Variants in FOXN3 observed in about 807,000 individuals in gnomAD.
The protein encoded by FOXN3 is forkhead box N3, also known as forkhead box protein N3.
A neutral mutation model predicts 38.4 loss-of-function variants in FOXN3; 7 were observed. That is an observed-to-expected ratio of 0.18 (90% CI 0.10 to 0.34). The LOEUF (loss-of-function observed/expected upper bound fraction) is 0.34. Ranked by LOEUF, FOXN3 falls within the 10% of genes least tolerant of loss-of-function variation. The pLI is 1.00. For synonymous variants in FOXN3, 230 were observed against 242.2 expected, an observed-to-expected ratio of 0.95 and a Z score of 0.47; for missense variants, 456 against 613.4, an observed-to-expected ratio of 0.74 and a Z score of 2.71.
chr14:89,407,973 T>C (rs1225195760), intron 2 of FOXN3, among the ~76,000 whole-genome samples: 1 of 152,214 alleles, frequency 6.6e-6, no homozygotes, highest in Non-Finnish European at 1.5e-5. Flanking sequence ...TCTAGTTCTG[T>C]GTATGTTTGA....
chr14:89,501,419 G>A (rs1893797293), intron 1 of FOXN3, among the ~76,000 whole-genome samples: 1 of 152,102 alleles, frequency 6.6e-6, no homozygotes. Flanking sequence ...AGAAACCGAG[G>A]GTTTTTCTAC....
intron 2 of FOXN3, among the ~76,000 whole-genome samples, chr14:89,397,480 C>T (rs117692739): frequency 2.4e-3 from 362 of 150,410 alleles, no homozygotes; most frequent in African/African-American, 3.2e-3. Context: ...CTGTGGAGAC[C>T]GAGGCTCTGC....
intron 1 of FOXN3, among the ~76,000 whole-genome samples, chr14:89,607,760 A>G (rs1322214755): frequency 6.6e-6 from 1 of 152,128 alleles, no homozygotes; most frequent in East Asian, 1.9e-4. Context: ...AATCTGGATT[A>G]AGTGTAGCAG....
chr14:89,264,298 C>T (rs1054152398), intron 4 of FOXN3, among the ~76,000 whole-genome samples: 2 of 151,976 alleles, frequency 1.3e-5, no homozygotes, highest in African/African-American at 2.4e-5. Context: ...CAGCAGAAGG[C>T]GAAAGACACA....
At chr14:89,299,530 A>G (rs1343785354) in intron 3 of FOXN3, among the ~76,000 whole-genome samples, 1 of 152,196 alleles carries the variant, frequency 6.6e-6, no homozygotes, top group Non-Finnish European at 1.5e-5. Context: ...GCTTTGCTCT[A>G]TCCCATGGAA....
chr14:89,454,927 G>T (rs2139717771), intron 1 of FOXN3, among the ~76,000 whole-genome samples: 1 of 152,294 alleles, frequency 6.6e-6, no homozygotes, highest in Middle Eastern at 3.4e-3. Flanking sequence ...GTTCCTATAT[G>T]TTCCAGAGAA....
chr14:89,445,511 C>T (rs1892474081), intron 1 of FOXN3, among the ~76,000 whole-genome samples: 1 of 152,104 alleles, frequency 6.6e-6, no homozygotes. Flanking sequence ...TTTTTCATTT[C>T]CCCAGTTGAA....
At chr14:89,367,265 CTGCCTCTACAG>C (rs1890186861) in intron 2 of FOXN3, among the ~76,000 whole-genome samples, 2 of 152,332 alleles carry the variant, frequency 1.3e-5, no homozygotes, top group Non-Finnish European at 2.9e-5. Context: ...TAAGGAGACA[CTGCCTCTACAG>C]TGCCTCTCAA....
intron 1 of FOXN3, among the ~76,000 whole-genome samples, chr14:89,522,939 A>G (rs1596306831): frequency 6.6e-6 from 1 of 151,684 alleles, no homozygotes; most frequent in African/African-American, 2.4e-5. Context: ...TTAAAAAAAA[A>G]CCCCACAAGA....
chr14:89,451,306 T>A (rs1231799183), intron 1 of FOXN3, among the ~76,000 whole-genome samples: 1 of 152,166 alleles, frequency 6.6e-6, no homozygotes, highest in Non-Finnish European at 1.5e-5. Flanking sequence ...TGTGACTGGT[T>A]ACAAAGGTAA....
At chr14:89,582,234 C>T (rs555870899) in intron 1 of FOXN3, among the ~76,000 whole-genome samples, 1 of 152,198 alleles carries the variant, frequency 6.6e-6, no homozygotes, top group African/African-American at 2.4e-5. Context: ...TTTCAGCTGC[C>T]CGCTCCTCAT....
chr14:89,613,128 A>AC (rs1896427175), intron 1 of FOXN3, among the ~76,000 whole-genome samples: 2 of 151,036 alleles, frequency 1.3e-5, no homozygotes, highest in South Asian at 4.2e-4. Context: ...AAAAAAAAAA[A>AC]AAAAAAAAAA....
rs968654249 is a variant in FOXN3 at position 89,539,586 on chromosome 14, T to C, written c.-15+79442A>G. On this transcript the variant is annotated intron_variant, in intron 1 of 6. Transcript: ENST00000345097. ...CCTTGGGTCCTGCTCACCACTTACA[T>C]TGTGTGACTTGACTTAAAAATTGCT... 2.2e-4 allele frequency among the ~76,000 whole-genome samples: 34 copies of C among 152,234 alleles called. 1 individual carries two copies. Among genetic ancestry groups the C allele is most frequent in the African/African-American group, 7.0e-4 (29 of 41,468 alleles).
intron 3 of FOXN3, among the ~76,000 whole-genome samples, chr14:89,315,282 C>CAT (rs535372032): frequency 5.3e-5 from 8 of 152,116 alleles, no homozygotes; most frequent in Non-Finnish European, 1.0e-4. Context: ...GGTGCAGCAT[C>CAT]ACACAGCAAT....
chr14:89,492,403 G>A (rs1893597888), intron 1 of FOXN3, among the ~76,000 whole-genome samples: 2 of 150,844 alleles, frequency 1.3e-5, no homozygotes, highest in Admixed American at 1.3e-4. Context: ...AGTGGGCAGA[G>A]CAGCTCGTCC....
At chr14:89,555,880 T>TGTG (rs1183259048) in intron 1 of FOXN3, among the ~76,000 whole-genome samples, 5 of 99,682 alleles carry the variant, frequency 5.0e-5, no homozygotes, top group South Asian at 4.1e-4. Flanking sequence ...TGTGTGTATG[T>TGTG]GGGGGTGTAT....
chr14:89,389,191 T>C, intron 2 of FOXN3, among the ~76,000 whole-genome samples: 1 of 152,162 alleles, frequency 6.6e-6, no homozygotes, highest in East Asian at 1.9e-4. Context: ...CCATCTCTGA[T>C]TCTTTCCTGC....
chr14:89,451,291 T>C (rs961352123), intron 1 of FOXN3, among the ~76,000 whole-genome samples: 9 of 152,194 alleles, frequency 5.9e-5, no homozygotes, highest in Non-Finnish European at 8.8e-5. Context: ...TTGGGGGACA[T>C]CCAATGTGAC....
At chr14:89,369,379 C>T (rs8009436) in intron 2 of FOXN3, among the ~76,000 whole-genome samples, 8,015 of 152,164 alleles carry the variant, frequency 0.053, 683 homozygotes, top group African/African-American at 0.18. Flanking sequence ...AACTTACAAC[C>T]GACCATGTGC....
Sources: gnomAD v4.1 joint callset for allele counts (sites outside exome capture counted in the v4.1 genomes callset) on GRCh38, gnomAD v4.1.1 for gene constraint, MANE v1.5 for transcripts, NCBI Gene and HGNC (gene_info 2026-07-23, HGNC 2026-07-21) for gene names.